RCHY1: variants seen among roughly 807,000 people sequenced by gnomAD.
RCHY1 encodes RING finger and CHY zinc finger domain-containing protein 1.
Under a neutral mutation model 41.6 loss-of-function variants are expected in RCHY1, and 21 were observed. The observed-to-expected ratio is 0.51, with a 90% CI of 0.36 to 0.73. The LOEUF is 0.73. RCHY1 is among the 30% of genes least tolerant of loss of function. RCHY1 has a pLI of 0.00. For synonymous variants in RCHY1, 79 were observed against 102.9 expected (o/e 0.77, Z 1.41); for missense variants, 265 against 325.3 (o/e 0.81, Z 1.43).
intron 8 of RCHY1, among the ~76,000 whole-genome samples, chr4:75,483,479 T>A (rs1451782535): frequency 6.6e-6 from 1 of 152,180 alleles, no homozygotes; most frequent in African/African-American, 2.4e-5. Flanking sequence ...GAGTGTTTCC[T>A]TTTTGGGATG....
intron 3 of RCHY1, among the ~76,000 whole-genome samples, chr4:75,497,084 T>C (rs1266413486): frequency 6.6e-6 from 1 of 152,082 alleles, no homozygotes; most frequent in Admixed American, 6.6e-5. Context: ...AATGGCAAGT[T>C]TGATATTGCT....
chr4:75,504,623 C>T (rs925340222), intron 3 of RCHY1, among the ~76,000 whole-genome samples: 2 of 152,164 alleles, frequency 1.3e-5, no homozygotes, highest in Non-Finnish European at 2.9e-5. Flanking sequence ...GAAAGTTATA[C>T]TCAGATTTTC....
At chr4:75,508,675 G>A (rs912450341) in intron 3 of RCHY1, 145 bp downstream of exon 3, 8 of 479,878 alleles carry the variant, frequency 1.7e-5, no homozygotes, top group African/African-American at 1.0e-4. Context: ...AAGAGATACC[G>A]GTATTTATCA....
At chr4:75,502,172 C>G (rs141867840) in intron 3 of RCHY1, among the ~76,000 whole-genome samples, 165 of 152,020 alleles carry the variant, frequency 1.1e-3, no homozygotes, top group African/African-American at 3.8e-3. Context: ...CACTCTGTAC[C>G]CAGGTCTAGT....
intron 3 of RCHY1, among the ~76,000 whole-genome samples, chr4:75,503,426 G>A (rs1363591865): frequency 1.3e-5 from 2 of 152,230 alleles, no homozygotes; most frequent in Non-Finnish European, 2.9e-5. Context: ...GCCAGGCACA[G>A]TGGCTCACAC....
chr4:75,487,682 TATATATATTCATATATATATTCATA>T lies in RCHY1; in HGVS notation c.657+2874_657+2898del, dbSNP rs1560513134. ...TATATATATTCATATATATTCATAA[TATATATATTCATATATATATTCATA>T]ATATATATTCATATATATATTCATA... On this transcript the variant is annotated intron_variant, in intron 8 of 8. Transcript: ENST00000324439. Among the ~76,000 whole-genome samples the T allele has an allele frequency of 4.6e-4, 17 of 36,610 alleles. 1 individual carries two copies. Among genetic ancestry groups the T allele is most frequent in the South Asian group, 3.7e-3 (6 of 1,622 alleles). 24.0% of individuals were successfully genotyped at this position (36,610 alleles called of 152,430 possible).
chr4:75,494,238 T>C (rs770572957), intron 3 of RCHY1, 59 bp from the exon 4 acceptor site: 2 of 1,208,682 alleles, frequency 1.7e-6, no homozygotes, highest in African/African-American at 1.6e-5. Flanking sequence ...TCATGATTTG[T>C]TCATTATGTA....
chr4:75,484,977 TA>T (rs985158075), intron 8 of RCHY1, among the ~76,000 whole-genome samples: 4 of 152,032 alleles, frequency 2.6e-5, no homozygotes, highest in African/African-American at 4.8e-5. Context: ...TTTATTGCCT[TA>T]AAAAAAAGAT....
chr4:75,484,045 C>G (rs939843555), intron 8 of RCHY1, among the ~76,000 whole-genome samples: 1 of 152,206 alleles, frequency 6.6e-6, no homozygotes, highest in African/African-American at 2.4e-5. Context: ...AGTCAAGACC[C>G]TCTGAATCTA....
chr4:75,513,773 G>A (rs1242857414), intron 1 of RCHY1, among the ~76,000 whole-genome samples: 1 of 152,160 alleles, frequency 6.6e-6, no homozygotes, highest in Non-Finnish European at 1.5e-5. Flanking sequence ...ACATGAAGCT[G>A]GCAGGCTATA....
At chr4:75,502,706 A>G (rs1234802099) in intron 3 of RCHY1, among the ~76,000 whole-genome samples, 1 of 152,170 alleles carries the variant, frequency 6.6e-6, no homozygotes, top group Non-Finnish European at 1.5e-5. Context: ...TTGGTATTTC[A>G]GCATCCTAGG....
chr4:75,504,135 T>C (rs75206907), intron 3 of RCHY1, among the ~76,000 whole-genome samples: 12,365 of 152,174 alleles, frequency 0.081, 845 homozygotes, highest in African/African-American at 0.18. Flanking sequence ...ATTTTGATGA[T>C]ACAAATACAA....
rs1174889796 is a variant in RCHY1, at chr4:75,482,656, T to C, written c.668A>G (p.Asn223Ser). The change falls in exon 9 of 9, where the codon AAT (asparagine) becomes AGT (serine). Residue 223 changes from asparagine (N) to serine (S), a missense_variant. Coordinates refer to ENST00000324439, the MANE Select transcript of RCHY1 (RefSeq NM_015436.4). ...AACAGTGGATCGTCCATTACAGTCATTGCAGAGAATCTGAAAAGAGATTAA... is the reference window on the plus strand; with the variant it reads ...AACAGTGGATCGTCCATTACAGTCACTGCAGAGAATCTGAAAAGAGATTAA... Reference protein sequence around the residue: ...YQNMTVDILCNDCNGRSTVQF... With the variant: ...YQNMTVDILCSDCNGRSTVQF... 8.7e-6 allele frequency: 14 copies of C among 1,603,524 alleles called. No homozygotes were observed. Among genetic ancestry groups the C allele is most frequent in the Non-Finnish European group, 1.2e-5 (14 of 1,173,950 alleles).
chr4:75,483,641 T>C (rs759365132), intron 8 of RCHY1, among the ~76,000 whole-genome samples: 4 of 152,214 alleles, frequency 2.6e-5, no homozygotes, highest in African/African-American at 4.8e-5. Flanking sequence ...ACATGGAACA[T>C]AGCACACTTC....
chr4:75,514,346 A>G lies in RCHY1; in HGVS notation c.-60T>C, dbSNP rs1725330497. ...CCCCCAGGATAAAAACCACGCCCAG[A>G]GAAGCTGCGCCTCTCTAGCACACCC... On this transcript the variant is annotated 5_prime_UTR_variant, in exon 1 of 9. Coordinates refer to ENST00000324439, the MANE Select transcript of RCHY1 (RefSeq NM_015436.4). 1 of 1,562,322 alleles carries G rather than the reference A, an allele frequency of 6.4e-7. No individual in the cohort carries two copies.
intron 1 of RCHY1, among the ~76,000 whole-genome samples, chr4:75,513,438 T>G (rs1725164017): frequency 6.6e-6 from 1 of 152,152 alleles, no homozygotes; most frequent in African/African-American, 2.4e-5. Flanking sequence ...TCATCTCCAT[T>G]TTACATACGG....
chr4:75,505,519 T>G (rs1724214437), intron 3 of RCHY1, among the ~76,000 whole-genome samples: 1 of 152,184 alleles, frequency 6.6e-6, no homozygotes, highest in Non-Finnish European at 1.5e-5. Context: ...TTAGAAGCTA[T>G]GTGTAGATAT....
intron 3 of RCHY1, among the ~76,000 whole-genome samples, chr4:75,503,398 C>T (rs898973435): frequency 6.6e-6 from 1 of 152,052 alleles, no homozygotes; most frequent in Non-Finnish European, 1.5e-5. Flanking sequence ...TTTCTAAGGA[C>T]AAAAAGAAAA....
At chr4:75,489,917 C>T (rs1256984540) in intron 8 of RCHY1, among the ~76,000 whole-genome samples, 1 of 152,194 alleles carries the variant, frequency 6.6e-6, no homozygotes, top group Non-Finnish European at 1.5e-5. Context: ...ACCCTCCACA[C>T]TCTTGGAAGT....
Sources: allele counts gnomAD v4.1 joint callset (sites outside exome capture counted in the v4.1 genomes callset), GRCh38; gene constraint gnomAD v4.1.1; transcripts MANE v1.5; gene names NCBI Gene and HGNC (gene_info 2026-07-23, HGNC 2026-07-21).